Variants in ATOSA observed in about 807,000 individuals in gnomAD.
ATOSA encodes the protein atos homolog A.
At chr15:52,609,250 T>C in the ATOSA span, 3 of 1,613,534 alleles carry the variant, frequency 1.9e-6, no homozygotes, top group Non-Finnish European at 1.7e-6. Flanking sequence ...GTTTTTCCCA[T>C]CACTGATGTC....
At chr15:52,684,763 G>A in the ATOSA span, among the ~76,000 whole-genome samples, 1 of 152,052 alleles carries the variant, frequency 6.6e-6, no homozygotes, top group Non-Finnish European at 1.5e-5. Context: ...AAGAGACAGA[G>A]TCTTGTTCTG....
the ATOSA span, among the ~76,000 whole-genome samples, chr15:52,673,459 C>T: frequency 6.6e-6 from 1 of 152,198 alleles, no homozygotes; most frequent in Non-Finnish European, 1.5e-5. Context: ...TACCAAACTT[C>T]TCTATGACTC....
the ATOSA span, among the ~76,000 whole-genome samples, chr15:52,623,762 A>ATGC: frequency 6.6e-6 from 1 of 152,358 alleles, no homozygotes; most frequent in South Asian, 2.1e-4. Context: ...AATGTGACAT[A>ATGC]TACTGTCAAT....
At chr15:52,704,930 G>T in the ATOSA span, among the ~76,000 whole-genome samples, 1 of 152,166 alleles carries the variant, frequency 6.6e-6, no homozygotes, top group African/African-American at 2.4e-5. Flanking sequence ...TTCAACCATT[G>T]TGGAAGACAG....
the ATOSA span, among the ~76,000 whole-genome samples, chr15:52,622,186 C>G: frequency 6.6e-6 from 1 of 152,180 alleles, no homozygotes; most frequent in Non-Finnish European, 1.5e-5. Flanking sequence ...TTACTTTATA[C>G]TGGCATTTGT....
At chr15:52,692,848 A>C in the ATOSA span, among the ~76,000 whole-genome samples, 7 of 149,520 alleles carry the variant, frequency 4.7e-5, no homozygotes, top group Non-Finnish European at 8.9e-5. Flanking sequence ...ATGGAGTCTT[A>C]CTCTGTTGAC....
the ATOSA span, among the ~76,000 whole-genome samples, chr15:52,655,039 T>C: frequency 2.0e-5 from 3 of 152,080 alleles, no homozygotes; most frequent in Non-Finnish European, 2.9e-5. Context: ...CAGGTAGTTG[T>C]TATCCCCACA....
the ATOSA span, among the ~76,000 whole-genome samples, chr15:52,709,562 C>T: frequency 6.6e-6 from 1 of 152,168 alleles, no homozygotes; most frequent in Non-Finnish European, 1.5e-5. Context: ...CAAGACTGCA[C>T]GCAGCTTCCA....
the ATOSA span, among the ~76,000 whole-genome samples, chr15:52,622,195 G>C: frequency 6.6e-6 from 1 of 152,150 alleles, no homozygotes. Context: ...ACTGGCATTT[G>C]TGAAGACACA....
the ATOSA span, chr15:52,584,677 TAA>T: frequency 3.6e-6 from 4 of 1,103,222 alleles, no homozygotes; most frequent in Non-Finnish European, 5.0e-6. Flanking sequence ...AGTCACAGTT[TAA>T]AAAAAAAAAC....
the ATOSA span, among the ~76,000 whole-genome samples, chr15:52,613,094 G>A: frequency 3.9e-5 from 6 of 152,020 alleles, no homozygotes; most frequent in East Asian, 5.8e-4. Flanking sequence ...CAGACGGGGC[G>A]TCCTGGCTCA....
chr15:52,633,157 T>C, the ATOSA span, among the ~76,000 whole-genome samples: 1 of 152,206 alleles, frequency 6.6e-6, no homozygotes, highest in African/African-American at 2.4e-5. Context: ...GACAGGACTT[T>C]ACCATAAGCC....
the ATOSA span, among the ~76,000 whole-genome samples, chr15:52,685,004 C>T: frequency 1.3e-5 from 2 of 152,272 alleles, no homozygotes; most frequent in African/African-American, 4.8e-5. Context: ...AAATATTGAT[C>T]ACATGTTGAA....
the ATOSA span, chr15:52,608,956 G>A: frequency 1.2e-6 from 2 of 1,610,812 alleles, no homozygotes; most frequent in South Asian, 1.1e-5. Context: ...ATACTTATTT[G>A]TACAAATCTG....
chr15:52,666,714 C>T, the ATOSA span, among the ~76,000 whole-genome samples: 62 of 152,232 alleles, frequency 4.1e-4, no homozygotes, highest in Non-Finnish European at 1.5e-5. Flanking sequence ...CCACTAAATG[C>T]CAGGTACCTG....
the ATOSA span, among the ~76,000 whole-genome samples, chr15:52,666,279 A>G: frequency 6.6e-6 from 1 of 152,182 alleles, no homozygotes; most frequent in African/African-American, 2.4e-5. Flanking sequence ...TACAAACACT[A>G]CATTAGCAAG....
the ATOSA span, among the ~76,000 whole-genome samples, chr15:52,699,426 C>A: frequency 6.6e-6 from 1 of 151,648 alleles, no homozygotes; most frequent in East Asian, 2.0e-4. Flanking sequence ...CCTCCTGGTC[C>A]AATCTCCAAA....
At chr15:52,620,033 A>G in the ATOSA span, among the ~76,000 whole-genome samples, 1 of 152,140 alleles carries the variant, frequency 6.6e-6, no homozygotes, top group Admixed American at 6.5e-5. Flanking sequence ...CAGGTTGTCT[A>G]GGAGCTATGA....
chr15:52,672,172 CAAA>C, the ATOSA span, among the ~76,000 whole-genome samples: 50 of 62,584 alleles, frequency 8.0e-4, no homozygotes, highest in Middle Eastern at 0.016. Flanking sequence ...CCCCATTTCT[CAAA>C]AAAAAAAAAA....
Sources: gnomAD v4.1 joint callset for allele counts (sites outside exome capture counted in the v4.1 genomes callset) on GRCh38, gnomAD v4.1.1 for gene constraint, MANE v1.5 for transcripts, NCBI Gene and HGNC (gene_info 2026-07-23, HGNC 2026-07-21) for gene names.